Variants in CNTNAP5 observed in about 807,000 individuals in gnomAD.
CNTNAP5 encodes contactin associated protein family member 5.
A neutral mutation model predicts 150.2 loss-of-function variants in CNTNAP5; 72 were observed. The ratio of observed to expected loss-of-function variants is 0.48; its 90% CI spans 0.40 to 0.58. The LOEUF is 0.58. Among genes scored for constraint, CNTNAP5 ranks in the 20% least tolerant of loss-of-function variants. CNTNAP5 has a pLI of 0.00. For synonymous variants in CNTNAP5, 672 were observed against 619.8 expected (o/e 1.08, Z -1.25); for missense variants, 1,636 against 1,626.2 (o/e 1.01, Z -0.10).
At chr2:124,655,140 C>T (rs990328334) in intron 13 of CNTNAP5, among the ~76,000 whole-genome samples, 14 of 151,962 alleles carry the variant, frequency 9.2e-5, no homozygotes, top group African/African-American at 2.9e-4. Context: ...GCTCTCTGTC[C>T]CCTTTCCCCT....
chr2:124,242,554 G>T, intron 3 of CNTNAP5, 161 bp downstream of exon 3: 1 of 656,808 alleles, frequency 1.5e-6, no homozygotes, highest in Non-Finnish European at 2.5e-6. Context: ...TGCCCGGCAT[G>T]GTTCTACTTC....
intron 19 of CNTNAP5, among the ~76,000 whole-genome samples, chr2:124,861,143 G>A (rs187332037): frequency 1.3e-5 from 2 of 151,994 alleles, no homozygotes; most frequent in East Asian, 3.9e-4. Context: ...TAAGTGAAAA[G>A]GGATCTTATC....
At chr2:124,353,859 G>T (rs1689933042) in intron 3 of CNTNAP5, among the ~76,000 whole-genome samples, 1 of 152,180 alleles carries the variant, frequency 6.6e-6, no homozygotes, top group South Asian at 2.1e-4. Flanking sequence ...CACAGAGAGA[G>T]TCAGTGAGGA....
At chr2:124,416,808 T>C (rs907008622) in intron 3 of CNTNAP5, among the ~76,000 whole-genome samples, 2 of 152,170 alleles carry the variant, frequency 1.3e-5, no homozygotes, top group Admixed American at 6.5e-5. Flanking sequence ...TTATCTTCCA[T>C]TCCTCAGTGA....
At chr2:124,335,939 T>C (rs1689456236) in intron 3 of CNTNAP5, among the ~76,000 whole-genome samples, 1 of 152,018 alleles carries the variant, frequency 6.6e-6, no homozygotes. Context: ...AGAAAGGACA[T>C]ACATATTTAT....
intron 19 of CNTNAP5, among the ~76,000 whole-genome samples, chr2:124,824,339 G>A (rs923899775): frequency 6.6e-5 from 10 of 152,084 alleles, no homozygotes; most frequent in Non-Finnish European, 1.0e-4. Flanking sequence ...GAACCAGTTT[G>A]CTGCTTATTC....
intron 1 of CNTNAP5, among the ~76,000 whole-genome samples, chr2:124,086,283 G>T (rs1349097379): frequency 2.2e-5 from 3 of 136,356 alleles, no homozygotes; most frequent in Non-Finnish European, 4.5e-5. Flanking sequence ...TGCAAGCTCC[G>T]CCTCCCGGCT....
intron 3 of CNTNAP5, among the ~76,000 whole-genome samples, chr2:124,390,149 T>C (rs2104747405): frequency 6.6e-6 from 1 of 152,306 alleles, no homozygotes; most frequent in African/African-American, 2.4e-5. Context: ...TTTCCATTGA[T>C]GATCAAAGGG....
intron 3 of CNTNAP5, among the ~76,000 whole-genome samples, chr2:124,297,312 C>T (rs1284454961): frequency 6.6e-6 from 1 of 152,166 alleles, no homozygotes; most frequent in African/African-American, 2.4e-5. Context: ...TTTTGACTTC[C>T]GTCGCAGCAC....
intron 1 of CNTNAP5, among the ~76,000 whole-genome samples, chr2:124,117,911 C>T (rs889408660): frequency 6.6e-6 from 1 of 151,994 alleles, no homozygotes; most frequent in Non-Finnish European, 1.5e-5. Context: ...TGGCAAAATC[C>T]GGTCTCTACA....
chr2:124,153,390 T>C (rs1361964025), intron 1 of CNTNAP5, among the ~76,000 whole-genome samples: 1 of 152,210 alleles, frequency 6.6e-6, no homozygotes, highest in East Asian at 1.9e-4. Flanking sequence ...AGTAGGTCAA[T>C]GTCTTAGTCA....
intron 13 of CNTNAP5, among the ~76,000 whole-genome samples, chr2:124,713,277 CTTTCTTTCTTTCTTTCTTTCTTT>C (rs1679858224): frequency 9.4e-6 from 1 of 106,186 alleles, no homozygotes; most frequent in Non-Finnish European, 2.1e-5. Context: ...TTCTTTCTTT[CTTTCTTTCTTTCTTTCTTTCTTT>C]CTTCTTTCTC....
chr2:124,219,177 C>T (rs1260868501), intron 1 of CNTNAP5, among the ~76,000 whole-genome samples: 1 of 152,038 alleles, frequency 6.6e-6, no homozygotes, highest in Non-Finnish European at 1.5e-5. Context: ...TACAGGGGTA[C>T]AGTCAATTCT....
chr2:124,221,584 G>T (rs1686317292), intron 1 of CNTNAP5, 121 bp from the exon 2 acceptor site: 2 of 666,238 alleles, frequency 3.0e-6, no homozygotes, highest in East Asian at 5.6e-5. Flanking sequence ...GGGAGTACCT[G>T]ACCTTGTTCA....
At chr2:124,221,957 T>C in intron 2 of CNTNAP5, 148 bp downstream of exon 2, 1 of 620,902 alleles carries the variant, frequency 1.6e-6, no homozygotes, top group Non-Finnish European at 2.9e-6. Context: ...GAAAATCTAA[T>C]GTAAGCATAC....
intron 1 of CNTNAP5, among the ~76,000 whole-genome samples, chr2:124,135,905 C>T (rs1226192566): frequency 1.3e-5 from 2 of 152,170 alleles, no homozygotes; most frequent in East Asian, 1.9e-4. Flanking sequence ...ATCTCCTTCA[C>T]GAAGACTTAT....
At chr2:124,626,752 G>A (rs1324087590) in intron 12 of CNTNAP5, among the ~76,000 whole-genome samples, 2 of 152,192 alleles carry the variant, frequency 1.3e-5, no homozygotes, top group African/African-American at 4.8e-5. Context: ...AGGGAGCCAA[G>A]CAATCTCGCT....
At chr2:124,812,424 A>G (rs73955835) in intron 19 of CNTNAP5, among the ~76,000 whole-genome samples, 7,314 of 151,740 alleles carry the variant, frequency 0.048, 548 homozygotes, top group African/African-American at 0.17. Context: ...TAACTTCAAG[A>G]ACTGGTTTAG....
intron 1 of CNTNAP5, among the ~76,000 whole-genome samples, chr2:124,197,098 C>T (rs544796009): frequency 1.8e-4 from 28 of 152,234 alleles, no homozygotes; most frequent in African/African-American, 6.5e-4. Flanking sequence ...CAGAAAATTG[C>T]AGGAATATAT....
Sources: allele counts gnomAD v4.1 joint callset (sites outside exome capture counted in the v4.1 genomes callset), GRCh38; gene constraint gnomAD v4.1.1; transcripts MANE v1.5; gene names NCBI Gene and HGNC (gene_info 2026-07-23, HGNC 2026-07-21).